The following RAB30 variants were observed in gnomAD, a reference collection of about 807,000 sequenced individuals.
RAB30 encodes the protein ras-related protein Rab-30.
A neutral mutation model predicts 25.1 loss-of-function variants in RAB30; 9 were observed. The observed-to-expected ratio is 0.36, with a 90% CI of 0.22 to 0.63. The LOEUF (loss-of-function observed/expected upper bound fraction) is 0.63. RAB30 is among the 20% of genes least tolerant of loss of function. The pLI, the probability that RAB30 is intolerant of heterozygous loss-of-function variation, is 0.69. For missense variants in RAB30, 140 were observed against 243.5 expected (o/e 0.58, Z 2.83); for synonymous variants, 77 against 86.4 (o/e 0.89, Z 0.60).
chr11:83,060,575 T>A (rs1261462878), intron 1 of RAB30, among the ~76,000 whole-genome samples: 1 of 152,128 alleles, frequency 6.6e-6, no homozygotes, highest in Non-Finnish European at 1.5e-5. Flanking sequence ...TTGCAAAAAA[T>A]TCTCACCACA....
chr11:83,007,298 G>C (rs546391787), intron 1 of RAB30, among the ~76,000 whole-genome samples: 10 of 152,328 alleles, frequency 6.6e-5, no homozygotes, highest in Admixed American at 6.5e-4. Context: ...GTGGAGTTAG[G>C]AGGAAGGAGC....
intron 1 of RAB30, among the ~76,000 whole-genome samples, chr11:83,068,733 C>T (rs1218703920): frequency 6.6e-6 from 1 of 152,174 alleles, no homozygotes; most frequent in Non-Finnish European, 1.5e-5. Context: ...ACCTTTGTCC[C>T]ACTATAAGCA....
intron 1 of RAB30, among the ~76,000 whole-genome samples, chr11:82,998,323 T>C (rs1590842569): frequency 6.6e-6 from 1 of 152,170 alleles, no homozygotes; most frequent in South Asian, 2.1e-4. Flanking sequence ...AAGGGCATAC[T>C]AAAAGAATGC....
At chr11:83,054,193 A>C (rs2121519052) in intron 1 of RAB30, among the ~76,000 whole-genome samples, 1 of 152,256 alleles carries the variant, frequency 6.6e-6, no homozygotes, top group Middle Eastern at 3.4e-3. Flanking sequence ...TCCTCTTAAC[A>C]TCCTCTCATC....
At chr11:82,997,548 C>T in intron 1 of RAB30, 1 of 480,110 alleles carries the variant, frequency 2.1e-6, no homozygotes, top group Non-Finnish European at 3.8e-6. Context: ...ATAAATGACG[C>T]AGATGTCGTT....
chr11:83,035,847 G>A (rs1292406524), intron 1 of RAB30, among the ~76,000 whole-genome samples: 3 of 152,184 alleles, frequency 2.0e-5, no homozygotes, highest in African/African-American at 7.2e-5. Context: ...AGTGTTACTT[G>A]CGGGAAGTCA....
intron 1 of RAB30, among the ~76,000 whole-genome samples, chr11:83,041,977 G>A (rs1858127935): frequency 6.6e-6 from 1 of 150,696 alleles, no homozygotes; most frequent in Non-Finnish European, 1.5e-5. Flanking sequence ...GGGAGGTGGA[G>A]GTTGCAGTGA....
chr11:82,979,777 T>C lies in RAB30; in HGVS notation c.*2388A>G, dbSNP rs931313829. The C allele has an allele frequency of 2.6e-5, 4 of 152,314 alleles. No individual in the cohort carries two copies. Among genetic ancestry groups the C allele is most frequent in the Non-Finnish European group, 5.9e-5 (4 of 68,058 alleles). The allele number at this position is 152,314 out of a possible 1,614,324, so 9.4% of individuals were successfully genotyped here. A position where few individuals can be genotyped will look rare whatever the true frequency, so the allele number is the denominator to read the frequency against. ...CCACATTCTCATGTGTTCCTGCTGA[T>C]GGGCTGTGGATGGGTAAGTTATGGA... On this transcript the variant is annotated 3_prime_UTR_variant, in exon 5 of 5. Coordinates refer to ENST00000527633, the MANE Select transcript of RAB30 (RefSeq NM_001286060.2).
intron 2 of RAB30, among the ~76,000 whole-genome samples, chr11:82,996,731 G>A (rs1385327950): frequency 6.6e-6 from 1 of 152,106 alleles, no homozygotes; most frequent in South Asian, 2.1e-4. Context: ...TACTGAAGAG[G>A]TTTAGAAAAT....
chr11:83,019,694 G>T (rs1488917752), intron 1 of RAB30, among the ~76,000 whole-genome samples: 2 of 152,152 alleles, frequency 1.3e-5, no homozygotes, highest in African/African-American at 2.4e-5. Flanking sequence ...GATCATATTT[G>T]GTCTTATAAT....
At chr11:83,068,755 C>T (rs1858765577) in intron 1 of RAB30, among the ~76,000 whole-genome samples, 1 of 152,214 alleles carries the variant, frequency 6.6e-6, no homozygotes, top group Non-Finnish European at 1.5e-5. Flanking sequence ...CTCCCACTGC[C>T]ATCCTGAATT....
intron 3 of RAB30, among the ~76,000 whole-genome samples, chr11:82,989,736 C>G (rs1408022991): frequency 2.0e-5 from 3 of 152,192 alleles, no homozygotes; most frequent in African/African-American, 7.2e-5. Context: ...ATGAGCATGC[C>G]AAGATATGTT....
intron 1 of RAB30, among the ~76,000 whole-genome samples, chr11:83,040,349 G>A (rs554352243): frequency 1.3e-5 from 2 of 152,324 alleles, no homozygotes; most frequent in African/African-American, 4.8e-5. Context: ...AGCACTTTGG[G>A]AGGCCGAGTT....
intron 1 of RAB30, among the ~76,000 whole-genome samples, chr11:83,044,215 A>G (rs940668957): frequency 2.0e-5 from 3 of 152,222 alleles, no homozygotes; most frequent in African/African-American, 7.2e-5. Context: ...TCTTGTATTC[A>G]TCTCTACCCC....
chr11:83,000,755 G>GA (rs1379441135), intron 1 of RAB30, among the ~76,000 whole-genome samples: 10 of 152,134 alleles, frequency 6.6e-5, no homozygotes, highest in African/African-American at 2.2e-4. Flanking sequence ...AAAAGAAGGT[G>GA]AAAAAAAGGC....
intron 1 of RAB30, among the ~76,000 whole-genome samples, chr11:83,043,580 T>C (rs1268521611): frequency 2.0e-5 from 3 of 152,166 alleles, no homozygotes; most frequent in Admixed American, 2.0e-4. Flanking sequence ...AATATCCCCC[T>C]TACACTTAGG....
intron 1 of RAB30, among the ~76,000 whole-genome samples, chr11:83,053,923 C>G (rs949339661): frequency 1.3e-5 from 2 of 152,130 alleles, no homozygotes; most frequent in Admixed American, 1.3e-4. Flanking sequence ...AACCCCGTCT[C>G]TACTAAAAAT....
At chr11:83,041,457 TAGAA>T (rs59637246) in intron 1 of RAB30, 30,751 of 206,310 alleles carry the variant, frequency 0.15, 2,425 homozygotes, top group Middle Eastern at 0.2. Flanking sequence ...AAACATATAT[TAGAA>T]AGGGCTGTCT....
chr11:83,029,615 T>C (rs1199624828), intron 1 of RAB30, among the ~76,000 whole-genome samples: 1 of 152,186 alleles, frequency 6.6e-6, no homozygotes, highest in Non-Finnish European at 1.5e-5. Context: ...TTTATTCCTA[T>C]GTACCTCAGA....
Sources: allele counts gnomAD v4.1 joint callset (sites outside exome capture counted in the v4.1 genomes callset), GRCh38; gene constraint gnomAD v4.1.1; transcripts MANE v1.5; gene names NCBI Gene and HGNC (gene_info 2026-07-23, HGNC 2026-07-21).